The following ZNF892 variants were observed in gnomAD, a reference collection of about 807,000 sequenced individuals.
The protein encoded by ZNF892 is zinc finger protein 570-like.
the ZNF892 span, among the ~76,000 whole-genome samples, chr2:95,209,806 C>CA: frequency 2.6e-5 from 4 of 152,070 alleles, no homozygotes; most frequent in Non-Finnish European, 5.9e-5. Context: ...TTAGTGTTAG[C>CA]ATTGTTTGTA....
At chr2:95,259,747 A>ACCTGAGC in the ZNF892 span, 2 of 152,240 alleles carry the variant, frequency 1.3e-5, no homozygotes, top group African/African-American at 4.8e-5. Context: ...TATAGGCTAA[A>ACCTGAGC]CCTGAGCCCT....
At chr2:95,257,719 G>C in the ZNF892 span, among the ~76,000 whole-genome samples, 1 of 152,236 alleles carries the variant, frequency 6.6e-6, no homozygotes, top group Admixed American at 6.5e-5. Context: ...GCTCCACCTA[G>C]TTCGAGCTTC....
chr2:95,251,123 C>A, the ZNF892 span, among the ~76,000 whole-genome samples: 1 of 151,794 alleles, frequency 6.6e-6, no homozygotes, highest in Non-Finnish European at 1.5e-5. Context: ...TTGGCAATCA[C>A]CATTTGGTGG....
the ZNF892 span, among the ~76,000 whole-genome samples, chr2:95,245,830 C>G: frequency 6.6e-6 from 1 of 151,854 alleles, no homozygotes; most frequent in African/African-American, 2.4e-5. Context: ...AAATTAAATC[C>G]CTGAATAGAC....
chr2:95,250,728 T>C, the ZNF892 span, among the ~76,000 whole-genome samples: 1 of 144,436 alleles, frequency 6.9e-6, no homozygotes, highest in African/African-American at 2.5e-5. Context: ...TCATAAATTA[T>C]AAATTTATCA....
the ZNF892 span, among the ~76,000 whole-genome samples, chr2:95,255,683 A>G: frequency 6.6e-6 from 1 of 152,270 alleles, no homozygotes; most frequent in African/African-American, 2.4e-5. Context: ...GTGGGGTGTT[A>G]AAGTCTCCCA....
the ZNF892 span, among the ~76,000 whole-genome samples, chr2:95,222,268 T>C: frequency 6.6e-6 from 1 of 152,264 alleles, no homozygotes; most frequent in Non-Finnish European, 1.5e-5. Context: ...AGGTTGTTTA[T>C]AATTTTTAGT....
the ZNF892 span, chr2:95,207,797 GC>G: frequency 2.5e-6 from 1 of 398,562 alleles, no homozygotes; most frequent in South Asian, 1.3e-4. Flanking sequence ...TCCAGCGCGG[GC>G]CGGAGGAAGG....
chr2:95,235,117 G>A, the ZNF892 span, among the ~76,000 whole-genome samples: 1 of 152,196 alleles, frequency 6.6e-6, no homozygotes, highest in East Asian at 1.9e-4. Flanking sequence ...GAAGTCTTCT[G>A]TGTTGGTTAT....
the ZNF892 span, among the ~76,000 whole-genome samples, chr2:95,226,009 C>A: frequency 2.0e-5 from 3 of 152,194 alleles, no homozygotes; most frequent in African/African-American, 7.2e-5. Context: ...CTCTCCCAGG[C>A]TGGTGTTGCA....
the ZNF892 span, among the ~76,000 whole-genome samples, chr2:95,261,296 CTT>C: frequency 2.3e-4 from 32 of 141,362 alleles, no homozygotes; most frequent in Admixed American, 2.1e-4. Context: ...TTACACAATT[CTT>C]TTTTTTTTTT....
At chr2:95,213,971 A>G in the ZNF892 span, among the ~76,000 whole-genome samples, 2 of 152,126 alleles carry the variant, frequency 1.3e-5, no homozygotes, top group Admixed American at 6.5e-5. Flanking sequence ...CTCTGATCCT[A>G]TCTCCTCTAA....
the ZNF892 span, among the ~76,000 whole-genome samples, chr2:95,243,281 G>A: frequency 6.6e-6 from 1 of 152,136 alleles, no homozygotes; most frequent in East Asian, 1.9e-4. Context: ...CCCCGTCTGG[G>A]AAGTGAGGAG....
At chr2:95,262,693 G>A in the ZNF892 span, among the ~76,000 whole-genome samples, 2 of 152,158 alleles carry the variant, frequency 1.3e-5, no homozygotes, top group Admixed American at 6.5e-5. Flanking sequence ...TGACATTTAT[G>A]GTGCTGCCGG....
the ZNF892 span, among the ~76,000 whole-genome samples, chr2:95,217,581 A>G: frequency 1.3e-5 from 2 of 152,216 alleles, no homozygotes; most frequent in African/African-American, 2.4e-5. Context: ...TCCAAAATAC[A>G]TTTGTGATCT....
the ZNF892 span, among the ~76,000 whole-genome samples, chr2:95,224,718 A>G: frequency 1.3e-5 from 2 of 152,204 alleles, no homozygotes; most frequent in African/African-American, 4.8e-5. Context: ...ACCATATCAG[A>G]ATGTGTCCCC....
the ZNF892 span, among the ~76,000 whole-genome samples, chr2:95,234,220 T>A: frequency 6.6e-6 from 1 of 152,172 alleles, no homozygotes; most frequent in Admixed American, 6.5e-5. Context: ...GGATGAGGTC[T>A]CCATATGGCG....
At chr2:95,229,906 C>T in the ZNF892 span, among the ~76,000 whole-genome samples, 1 of 152,154 alleles carries the variant, frequency 6.6e-6, no homozygotes, top group Non-Finnish European at 1.5e-5. Context: ...GTCAGCTAGG[C>T]ATGAGTTCCA....
the ZNF892 span, among the ~76,000 whole-genome samples, chr2:95,214,159 T>C: frequency 6.6e-6 from 1 of 152,226 alleles, no homozygotes; most frequent in Non-Finnish European, 1.5e-5. Flanking sequence ...TCATCTTTTT[T>C]TTCTTGTGTT....
Sources: gnomAD v4.1 joint callset for allele counts (sites outside exome capture counted in the v4.1 genomes callset) on GRCh38, gnomAD v4.1.1 for gene constraint, MANE v1.5 for transcripts, NCBI Gene and HGNC (gene_info 2026-07-23, HGNC 2026-07-21) for gene names.